Variants in MOB1B observed in about 807,000 individuals in gnomAD.
MOB1B encodes MOB1 Mps One Binder homolog B.
Under a neutral mutation model 24.4 loss-of-function variants are expected in MOB1B, and 19 were observed. The observed-to-expected ratio is 0.78, with a 90% CI of 0.54 to 1.14. The LOEUF (loss-of-function observed/expected upper bound fraction) is 1.14. MOB1B is among the 50% of genes most tolerant of loss of function. The probability of loss-of-function intolerance (pLI) is 0.00; values close to 1 mark genes in which losing one functional copy is unlikely to be tolerated. For missense variants in MOB1B, 243 were observed against 259.6 expected (o/e 0.94, Z 0.44); for synonymous variants, 76 against 82.1 (o/e 0.93, Z 0.40).
chr4:70,965,379 AT>A (rs1181308395), intron 2 of MOB1B, among the ~76,000 whole-genome samples: 1 of 149,932 alleles, frequency 6.7e-6, no homozygotes, highest in Non-Finnish European at 1.5e-5. Context: ...CAAGAAAAAA[AT>A]ATTTTAATAT....
chr4:70,908,724 G>A (rs568170905), intron 1 of MOB1B, among the ~76,000 whole-genome samples: 3 of 149,378 alleles, frequency 2.0e-5, no homozygotes, highest in South Asian at 2.1e-4. Flanking sequence ...GCAGTGAGCC[G>A]AGATCATGCC....
At chr4:70,939,750 C>T (rs1448793922) in intron 1 of MOB1B, among the ~76,000 whole-genome samples, 1 of 152,188 alleles carries the variant, frequency 6.6e-6, no homozygotes, top group East Asian at 1.9e-4. Context: ...ACCCGGTGCT[C>T]TTTTAGTTTA....
In MOB1B at chr4:70,952,504, G is replaced by A. The variant is rs537488068; in HGVS notation, c.15-6370G>A. On this transcript the variant is annotated intron_variant, in intron 1 of 5. Coordinates refer to ENST00000309395, the MANE Select transcript of MOB1B (RefSeq NM_173468.4). ...CAAAAATACAAAAAATTAGGTGACCGTGGTGGCGGGTGCCTGTAGACCCAG... is the reference window on the plus strand; with the variant it reads ...CAAAAATACAAAAAATTAGGTGACCATGGTGGCGGGTGCCTGTAGACCCAG... Among the ~76,000 whole-genome samples, 8 of 151,716 alleles carry A rather than the reference G, an allele frequency of 5.3e-5. 1 individual carries two copies. Among genetic ancestry groups the A allele is most frequent in the Admixed American group, 2.0e-4 (3 of 15,228 alleles).
At position 70,982,771 on chromosome 4, in the gene MOB1B, A is replaced by G. The variant is rs1316456905; in HGVS notation, c.*714A>G. ...GATACTGAAACTTGAGGATGTTGAA[A>G]TGTATTACATTTTGGCTTCTTTCTA... is the stretch of plus-strand genomic sequence containing the variant. On this transcript the variant is annotated 3_prime_UTR_variant, in exon 6 of 6. Transcript: ENST00000309395. The G allele has an allele frequency of 2.6e-5, 4 of 152,556 alleles. No individual in the cohort carries two copies. The highest frequency in any genetic ancestry group is 7.2e-5 in the African/African-American group (3 of 41,412). 9.5% of individuals were successfully genotyped at this position (152,556 alleles called of 1,614,324 possible).
chr4:70,976,293 C>CA, intron 4 of MOB1B: 1 of 984,630 alleles, frequency 1.0e-6, no homozygotes, highest in Non-Finnish European at 1.2e-6. Flanking sequence ...GTTGTATCTA[C>CA]TTATTTAGGG....
At chr4:70,949,536 T>C (rs988696757) in intron 1 of MOB1B, among the ~76,000 whole-genome samples, 1 of 152,228 alleles carries the variant, frequency 6.6e-6, no homozygotes, top group Non-Finnish European at 1.5e-5. Flanking sequence ...GGTGGAATTT[T>C]ACTTTTTCTT....
chr4:70,968,940 C>T (rs1015378795), intron 2 of MOB1B, among the ~76,000 whole-genome samples: 1 of 152,076 alleles, frequency 6.6e-6, no homozygotes, highest in Non-Finnish European at 1.5e-5. Flanking sequence ...TATTTTTTCC[C>T]ATAGCAATAA....
At position 70,985,169 on chromosome 4, in the gene MOB1B, G is replaced by A. The variant is rs1739339923; in HGVS notation, c.*3112G>A. The A allele has an allele frequency of 6.6e-6, 1 of 152,082 alleles. No homozygotes were observed. Among genetic ancestry groups the A allele is most frequent in the African/African-American group, 2.4e-5 (1 of 41,412 alleles). The allele number at this position is 152,082 out of a possible 1,614,324, so 9.4% of individuals were successfully genotyped here. On this transcript the variant is annotated 3_prime_UTR_variant, in exon 6 of 6. Coordinates refer to ENST00000309395, the MANE Select transcript of MOB1B (RefSeq NM_173468.4). ...ATATATTAGCATTTTCCTTGCTTATGGGAAAATAGCAAAACAACATTTCAT... is the reference window on the plus strand; with the variant it reads ...ATATATTAGCATTTTCCTTGCTTATAGGAAAATAGCAAAACAACATTTCAT...
chr4:70,968,529 C>T (rs1233935961), intron 2 of MOB1B, among the ~76,000 whole-genome samples: 1 of 152,038 alleles, frequency 6.6e-6, no homozygotes, highest in Admixed American at 6.5e-5. Context: ...CATGGCTAGT[C>T]TTGAACTCCT....
At chr4:70,972,498 G>A (rs554128055) in intron 3 of MOB1B, among the ~76,000 whole-genome samples, 2 of 152,236 alleles carry the variant, frequency 1.3e-5, no homozygotes, top group Non-Finnish European at 2.9e-5. Flanking sequence ...ATAGGGGTGA[G>A]CCACTGCACC....
chr4:70,965,296 C>CAAAAAA (rs1175536577), intron 2 of MOB1B, among the ~76,000 whole-genome samples: 2 of 36,186 alleles, frequency 5.5e-5, no homozygotes, highest in Admixed American at 3.1e-4. Context: ...GACTTCATCT[C>CAAAAAA]AAAAAAAAAA....
At chr4:70,952,487 CA>C (rs1177458906) in intron 1 of MOB1B, among the ~76,000 whole-genome samples, 3 of 151,274 alleles carry the variant, frequency 2.0e-5, no homozygotes, top group South Asian at 2.1e-4. Context: ...ACCAAAAATA[CA>C]AAAAATTAGG....
intron 1 of MOB1B, among the ~76,000 whole-genome samples, chr4:70,909,372 G>T (rs1735887836): frequency 6.6e-6 from 1 of 152,004 alleles, no homozygotes; most frequent in Admixed American, 6.6e-5. Context: ...GCCAGGTGTG[G>T]TAGCTCATGC....
At position 70,960,030 on chromosome 4, in the gene MOB1B, C is replaced by T. The variant is rs1260608280; in HGVS notation, c.181+990C>T. On this transcript the variant is annotated intron_variant, in intron 2 of 5. Transcript: ENST00000309395. ...TCCTGAGTAGCTGGGATTATAGGCA[C>T]GCACCACCATGTCCGGCTAATTTTT... 4.6e-5 allele frequency among the ~76,000 whole-genome samples: 7 copies of T among 151,888 alleles called. 1 individual carries two copies. The highest frequency in any genetic ancestry group is 3.9e-4 in the East Asian group (2 of 5,164).
chr4:70,973,255 A>G (rs1425518867), intron 3 of MOB1B, among the ~76,000 whole-genome samples: 1 of 152,114 alleles, frequency 6.6e-6, no homozygotes, highest in Non-Finnish European at 1.5e-5. Context: ...AGGGAAGGTT[A>G]AAAATGTTAA....
In MOB1B at chr4:70,987,322, G is replaced by C. The variant is rs963566522; in HGVS notation, c.*5265G>C. ...AATTGTTTTTTACTTATAAATTCAT[G>C]TTCTCATCTGATTTAATATTAAATT... On this transcript the variant is annotated 3_prime_UTR_variant, in exon 6 of 6. Transcript: ENST00000309395. 6 of 151,820 alleles carry C rather than the reference G, an allele frequency of 4.0e-5. No individual in the cohort carries two copies. In the South Asian group the frequency reaches 1.2e-3, roughly 32 times the overall value. 9.4% of individuals were successfully genotyped at this position (151,820 alleles called of 1,614,324 possible). A position where few individuals can be genotyped will look rare whatever the true frequency, so the allele number is the denominator to read the frequency against.
At chr4:70,972,642 G>A (rs1738806094) in intron 3 of MOB1B, among the ~76,000 whole-genome samples, 1 of 152,176 alleles carries the variant, frequency 6.6e-6, no homozygotes, top group African/African-American at 2.4e-5. Context: ...AATGAGAAAG[G>A]CATCGCGGCA....
intron 1 of MOB1B, among the ~76,000 whole-genome samples, chr4:70,942,361 G>C (rs1288322767): frequency 6.6e-6 from 1 of 151,822 alleles, no homozygotes; most frequent in Admixed American, 6.6e-5. Context: ...GTCTATTAAA[G>C]TGGAATTGCC....
intron 2 of MOB1B, among the ~76,000 whole-genome samples, chr4:70,966,239 C>T (rs966344292): frequency 9.9e-5 from 15 of 151,930 alleles, no homozygotes; most frequent in Non-Finnish European, 1.6e-4. Flanking sequence ...TCCAGAAATA[C>T]AAAGGTTAGT....
Sources: allele counts gnomAD v4.1 joint callset (sites outside exome capture counted in the v4.1 genomes callset), GRCh38; gene constraint gnomAD v4.1.1; transcripts MANE v1.5; gene names NCBI Gene and HGNC (gene_info 2026-07-23, HGNC 2026-07-21).